Variants in MAP4 observed in about 807,000 individuals in gnomAD.
MAP4 encodes the protein microtubule associated protein 4, also known as microtubule-associated protein 4.
In MAP4, 76 loss-of-function variants were observed where a neutral mutation model predicts 170.2. That is an observed-to-expected ratio of 0.45 (90% CI 0.37 to 0.54). The LOEUF (loss-of-function observed/expected upper bound fraction) is 0.54. Among genes scored for constraint, MAP4 ranks in the 20% least tolerant of loss-of-function variants. The pLI is 0.00. For missense variants in MAP4, 2,506 were observed against 2,748.0 expected (o/e 0.91, Z 1.97); for synonymous variants, 909 against 994.5 (o/e 0.91, Z 1.62).
At chr3:47,919,455 A>C (rs894099115) in intron 5 of MAP4, among the ~76,000 whole-genome samples, 2 of 151,838 alleles carry the variant, frequency 1.3e-5, no homozygotes, top group Non-Finnish European at 2.9e-5. Context: ...CTACAAGCAC[A>C]CACCACCACA....
Position 47,929,233 on chromosome 3 carries a change from T to C in MAP4, c.293-883A>G, listed in dbSNP as rs2100047910. Among the ~76,000 whole-genome samples, 3 of 152,160 alleles carry C rather than the reference T, an allele frequency of 2.0e-5. No individual in the cohort carries two copies. In the South Asian group the frequency reaches 6.2e-4, roughly 32 times the overall value. On this transcript the variant is annotated intron_variant, in intron 3 of 20. Coordinates refer to ENST00000683076, the MANE Select transcript of MAP4 (RefSeq NM_001385682.1). ...AGCTGGGCATGGTGATGCATGCCTGTAATTCTGGCTACTCAGGAGGCTGAG... is the reference window on the plus strand; with the variant it reads ...AGCTGGGCATGGTGATGCATGCCTGCAATTCTGGCTACTCAGGAGGCTGAG...
intron 1 of MAP4, among the ~76,000 whole-genome samples, chr3:48,081,840 C>T (rs1230602132): frequency 6.6e-6 from 1 of 152,156 alleles, no homozygotes; most frequent in African/African-American, 2.4e-5. Context: ...TCCAAATACT[C>T]TTCTCCAACA....
intron 3 of MAP4, among the ~76,000 whole-genome samples, chr3:47,929,718 C>A (rs2100048356): frequency 7.2e-6 from 1 of 139,612 alleles, no homozygotes; most frequent in Non-Finnish European, 1.5e-5. Context: ...AGGAAAAAAT[C>A]TTTGTGACTT....
chr3:47,995,552 G>A (rs908904223), intron 2 of MAP4, among the ~76,000 whole-genome samples: 1 of 152,032 alleles, frequency 6.6e-6, no homozygotes, highest in Admixed American at 6.6e-5. Flanking sequence ...CACCTGGTCT[G>A]GAGTAAATAT....
chr3:47,925,678 T>C (rs1032841214), intron 4 of MAP4, among the ~76,000 whole-genome samples: 3 of 151,998 alleles, frequency 2.0e-5, no homozygotes, highest in Non-Finnish European at 2.9e-5. Context: ...TCTAAGCAAA[T>C]TTATAGAGAC....
At chr3:47,938,629 C>T (rs1029664556) in intron 3 of MAP4, among the ~76,000 whole-genome samples, 17 of 152,284 alleles carry the variant, frequency 1.1e-4, no homozygotes, top group Admixed American at 3.3e-4. Flanking sequence ...AGCAATCCTC[C>T]GGATTTGACC....
At chr3:47,857,120 G>C (rs1230033560) in intron 18 of MAP4, among the ~76,000 whole-genome samples, 1 of 152,194 alleles carries the variant, frequency 6.6e-6, no homozygotes, top group Non-Finnish European at 1.5e-5. Context: ...TCCTCGTTTA[G>C]AGCCAATCCA....
At chr3:47,974,487 A>G in intron 3 of MAP4, 1 of 984,580 alleles carries the variant, frequency 1.0e-6, no homozygotes, top group African/African-American at 1.7e-5. Flanking sequence ...ATTTCTTTTA[A>G]GCTGAAATAA....
chr3:48,005,947 G>A (rs529486142), intron 1 of MAP4, among the ~76,000 whole-genome samples: 8 of 152,336 alleles, frequency 5.3e-5, no homozygotes, highest in East Asian at 3.9e-4. Context: ...CAAGGTGGGC[G>A]TAGCTACCGT....
At chr3:48,061,212 CTCTCTT>C (rs1441676878) in intron 1 of MAP4, among the ~76,000 whole-genome samples, 4 of 150,534 alleles carry the variant, frequency 2.7e-5, no homozygotes, top group East Asian at 3.9e-4. Flanking sequence ...CTCCCTCTCC[CTCTCTT>C]TCCACGGTCT....
intron 17 of MAP4, among the ~76,000 whole-genome samples, chr3:47,866,915 AG>A (rs2081417152): frequency 6.6e-6 from 1 of 152,338 alleles, no homozygotes; most frequent in Non-Finnish European, 1.5e-5. Context: ...TACACATCCC[AG>A]GAACGGACTC....
At chr3:47,959,840 G>T (rs2100070445) in intron 3 of MAP4, among the ~76,000 whole-genome samples, 1 of 151,842 alleles carries the variant, frequency 6.6e-6, no homozygotes, top group Admixed American at 6.6e-5. Context: ...GATAAAGGAA[G>T]ATGAATATAA....
At chr3:47,901,852 A>C (rs2100030192) in intron 10 of MAP4, among the ~76,000 whole-genome samples, 1 of 152,166 alleles carries the variant, frequency 6.6e-6, no homozygotes, top group African/African-American at 2.4e-5. Context: ...TGAGGGGAAG[A>C]AGCTTCTTTT....
At chr3:47,871,195 A>G in intron 14 of MAP4, 32 bp downstream of exon 14, 1 of 1,613,764 alleles carries the variant, frequency 6.2e-7, no homozygotes, top group Non-Finnish European at 8.5e-7. Flanking sequence ...GGTTCAAGTT[A>G]GGGCTCTACA....
At chr3:47,996,637 A>G (rs2100095820) in intron 2 of MAP4, among the ~76,000 whole-genome samples, 1 of 152,138 alleles carries the variant, frequency 6.6e-6, no homozygotes. Flanking sequence ...CTCCTGTTAA[A>G]ATGACTAAAC....
intron 11 of MAP4, chr3:47,876,968 A>C (rs1324558158): frequency 2.7e-5 from 4 of 150,686 alleles, no homozygotes; most frequent in Non-Finnish European, 5.8e-5. Context: ...CGCAACCTCC[A>C]ACTCCTTGGT....
intron 17 of MAP4, among the ~76,000 whole-genome samples, 186 bp from the exon 18 acceptor site, chr3:47,857,698 C>T (rs2058967966): frequency 6.6e-6 from 1 of 151,926 alleles, no homozygotes; most frequent in Non-Finnish European, 1.5e-5. Flanking sequence ...CCACCCTGGC[C>T]CTGCTCTTCA....
intron 3 of MAP4, among the ~76,000 whole-genome samples, chr3:47,946,165 G>C (rs991129699): frequency 6.7e-6 from 1 of 149,578 alleles, no homozygotes; most frequent in Non-Finnish European, 1.5e-5. Flanking sequence ...GGATGGTCTC[G>C]ATCTACTGAC....
At chr3:47,955,009 G>C (rs2100066810) in intron 3 of MAP4, among the ~76,000 whole-genome samples, 1 of 152,130 alleles carries the variant, frequency 6.6e-6, no homozygotes, top group African/African-American at 2.4e-5. Flanking sequence ...CACATCTCAA[G>C]AATTAAAGAG....
Sources: gnomAD v4.1 joint callset for allele counts (sites outside exome capture counted in the v4.1 genomes callset) on GRCh38, gnomAD v4.1.1 for gene constraint, MANE v1.5 for transcripts, NCBI Gene and HGNC (gene_info 2026-07-23, HGNC 2026-07-21) for gene names.